The following PCDH15 variants were observed in gnomAD, a reference collection of about 807,000 sequenced individuals.
The protein encoded by PCDH15 is protocadherin related 15, also known as protocadherin-15.
PCDH15 carries 129 observed loss-of-function variants against 178.5 expected under a neutral mutation model. The observed-to-expected ratio is 0.72, with a 90% CI of 0.63 to 0.84. The LOEUF is 0.84. Ranked by LOEUF, PCDH15 falls within the 40% of genes least tolerant of loss-of-function variation. The probability of loss-of-function intolerance (pLI) is 0.00; values close to 1 mark genes in which losing one functional copy is unlikely to be tolerated. For synonymous variants in PCDH15, 800 were observed against 732.0 expected, an observed-to-expected ratio of 1.09 and a Z score of -1.50; for missense variants, 2,230 against 2,099.9, an observed-to-expected ratio of 1.06 and a Z score of -1.21.
chr10:54,818,691 C>T (rs1173515034), intron 3 of PCDH15, among the ~76,000 whole-genome samples: 2 of 151,948 alleles, frequency 1.3e-5, no homozygotes, highest in Non-Finnish European at 2.9e-5. Flanking sequence ...TATCTCTTTC[C>T]GTTATTCTAA....
Position 55,341,913 on chromosome 10 carries a change from C to T in PCDH15, c.-155-175262G>A, listed in dbSNP as rs929215218. Among the ~76,000 whole-genome samples, 9 of 145,780 alleles carry T rather than the reference C, an allele frequency of 6.2e-5. 1 individual carries two copies. In the Admixed American group the frequency reaches 6.2e-4, roughly 10 times the overall value. Reference sequence around the variant, plus strand: ...CTGCCCACCTCAGCCAGCCTAAGAGCTGGGATCACAGGCAGGAGCCACCCT... The same window carrying T: ...CTGCCCACCTCAGCCAGCCTAAGAGTTGGGATCACAGGCAGGAGCCACCCT... On this transcript the variant is annotated intron_variant, in intron 2 of 5. Coordinates refer to the PCDH15 transcript ENST00000613346.
intron 3 of PCDH15, among the ~76,000 whole-genome samples, chr10:54,519,701 G>A (rs2082637227): frequency 6.6e-6 from 1 of 152,036 alleles, no homozygotes; most frequent in Admixed American, 6.5e-5. Context: ...TCACAGAATT[G>A]GAAAAACCTC....
chr10:54,031,401 C>T (rs1443319554), intron 18 of PCDH15, among the ~76,000 whole-genome samples: 2 of 151,888 alleles, frequency 1.3e-5, no homozygotes, highest in Non-Finnish European at 2.9e-5. Context: ...GTATGCTACG[C>T]AATTAAATAA....
intron 2 of PCDH15, among the ~76,000 whole-genome samples, chr10:55,452,960 T>C (rs1232625735): frequency 6.6e-6 from 1 of 152,186 alleles, no homozygotes; most frequent in Non-Finnish European, 1.5e-5. Context: ...ACAGTAAAGG[T>C]AGAGAATAAG....
intron 6 of PCDH15, among the ~76,000 whole-genome samples, chr10:54,330,534 G>A (rs1005001331): frequency 6.6e-5 from 10 of 151,816 alleles, no homozygotes; most frequent in African/African-American, 1.7e-4. Context: ...ATGACTGCGT[G>A]AACTTGAATC....
rs193204951 is a variant in PCDH15 at position 54,564,128 on chromosome 10, T to C, written c.92-36251A>G. 2.7e-3 allele frequency among the ~76,000 whole-genome samples: 416 copies of C among 151,806 alleles called. 4 individuals are homozygous for C. Among genetic ancestry groups the C allele is most frequent in the African/African-American group, 8.6e-3 (355 of 41,392 alleles). The stretch of plus-strand genomic sequence containing the variant: ...ACTTTTTTTGTAGATTCCTTGTTTT[T>C]CCCCCCCACATCATACTGAATCCAC... On this transcript the variant is annotated intron_variant, in intron 2 of 37. Coordinates refer to ENST00000644397, the MANE Select transcript of PCDH15 (RefSeq NM_001384140.1).
Position 54,415,578 on chromosome 10 carries a change from T to G in PCDH15, c.158-36636A>C, listed in dbSNP as rs568032340. Among the ~76,000 whole-genome samples the G allele has an allele frequency of 6.2e-4, 95 of 152,190 alleles. 1 individual carries two copies. Among genetic ancestry groups the G allele is most frequent in the Non-Finnish European group, 1.3e-4 (9 of 67,972 alleles). On this transcript the variant is annotated intron_variant, in intron 3 of 37. Coordinates refer to ENST00000644397, the MANE Select transcript of PCDH15 (RefSeq NM_001384140.1). ...AGTTAAGTATTTATGCAAAATTATTTTAAATAATATTCACAGATGTGATAT... is the reference window on the plus strand; with the variant it reads ...AGTTAAGTATTTATGCAAAATTATTGTAAATAATATTCACAGATGTGATAT...
At chr10:53,894,392 AT>A (rs1180864845) in intron 26 of PCDH15, among the ~76,000 whole-genome samples, 1 of 152,166 alleles carries the variant, frequency 6.6e-6, no homozygotes, top group African/African-American at 2.4e-5. Flanking sequence ...TCAGGGTGGT[AT>A]GGCCATAGAT....
At chr10:53,817,458 A>G (rs2076099518) in intron 34 of PCDH15, among the ~76,000 whole-genome samples, 1 of 151,942 alleles carries the variant, frequency 6.6e-6, no homozygotes, top group East Asian at 1.9e-4. Context: ...TTGAACTGGT[A>G]AAAAGATCAA....
intron 2 of PCDH15, among the ~76,000 whole-genome samples, chr10:55,597,903 T>C (rs1281764390): frequency 6.6e-6 from 1 of 152,176 alleles, no homozygotes; most frequent in Non-Finnish European, 1.5e-5. Context: ...AGTTTGGTCC[T>C]GGCCTTTTTA....
At chr10:55,190,906 T>A (rs558734487) in intron 1 of PCDH15, among the ~76,000 whole-genome samples, 3 of 151,796 alleles carry the variant, frequency 2.0e-5, no homozygotes, top group Admixed American at 6.6e-5. Flanking sequence ...ATTCATTATT[T>A]TTTTTTGACA....
At chr10:53,968,872 A>C (rs1322143158) in intron 21 of PCDH15, among the ~76,000 whole-genome samples, 2 of 152,160 alleles carry the variant, frequency 1.3e-5, no homozygotes, top group Non-Finnish European at 2.9e-5. Context: ...TCAAAGACCA[A>C]AGGTAGATAA....
At chr10:55,195,956 G>A (rs1450002777) in intron 1 of PCDH15, among the ~76,000 whole-genome samples, 2 of 151,972 alleles carry the variant, frequency 1.3e-5, no homozygotes, top group African/African-American at 2.4e-5. Flanking sequence ...ATTAAGAGTT[G>A]CAGCATATCA....
At chr10:54,170,818 T>A (rs965878723) in intron 13 of PCDH15, among the ~76,000 whole-genome samples, 27 of 152,004 alleles carry the variant, frequency 1.8e-4, no homozygotes, top group African/African-American at 6.0e-4. Context: ...CTAGCCCGCC[T>A]CTTAGAACCT....
At chr10:54,882,537 C>A (rs897855306) in intron 3 of PCDH15, among the ~76,000 whole-genome samples, 1 of 152,000 alleles carries the variant, frequency 6.6e-6, no homozygotes, top group Non-Finnish European at 1.5e-5. Context: ...TCCTGGCCCC[C>A]ACAAATCACT....
intron 3 of PCDH15, among the ~76,000 whole-genome samples, chr10:54,379,986 C>A (rs546449059): frequency 6.6e-6 from 1 of 152,102 alleles, no homozygotes; most frequent in South Asian, 2.1e-4. Context: ...GTATCTGTTG[C>A]ATTTTCTTAA....
chr10:54,225,927 G>A (rs1489875228), intron 9 of PCDH15, among the ~76,000 whole-genome samples: 1 of 152,186 alleles, frequency 6.6e-6, no homozygotes, highest in African/African-American at 2.4e-5. Flanking sequence ...TGTGACAAGT[G>A]TACAGTGTGA....
At chr10:54,169,052 G>A (rs1564588373) in intron 13 of PCDH15, among the ~76,000 whole-genome samples, 2 of 152,222 alleles carry the variant, frequency 1.3e-5, no homozygotes, top group East Asian at 1.9e-4. Flanking sequence ...TCTGGCCACT[G>A]GGCCAAGGAA....
chr10:54,628,069 C>G (rs1449192890), intron 2 of PCDH15, among the ~76,000 whole-genome samples: 1 of 152,096 alleles, frequency 6.6e-6, no homozygotes, highest in African/African-American at 2.4e-5. Context: ...AAATGTGTAA[C>G]AGGCTAAGTA....
Sources: allele counts gnomAD v4.1 joint callset (sites outside exome capture counted in the v4.1 genomes callset), GRCh38; gene constraint gnomAD v4.1.1; transcripts MANE v1.5; gene names NCBI Gene and HGNC (gene_info 2026-07-23, HGNC 2026-07-21).